ZNF37A: variants seen among roughly 807,000 people sequenced by gnomAD.
The protein encoded by ZNF37A is zinc finger protein 37a (KOX 21).
In ZNF37A, 10 loss-of-function variants were observed where a neutral mutation model predicts 12.3. The ratio of observed to expected loss-of-function variants is 0.82; its 90% CI spans 0.50 to 1.38. ZNF37A has a LOEUF of 1.38. ZNF37A is among the 40% of genes most tolerant of loss of function. The probability of loss-of-function intolerance (pLI) is 0.00; values close to 1 mark genes in which losing one functional copy is unlikely to be tolerated. For synonymous variants in ZNF37A, 207 were observed against 223.0 expected (o/e 0.93, Z 0.64); for missense variants, 580 against 651.2 (o/e 0.89, Z 1.19).
rs2021319 is a variant in ZNF37A at position 38,117,464 on chromosome 10, G to A, written c.313G>A (p.Asp105Asn). The change falls in exon 8 of 8, where the codon GAT becomes AAT. Residue 105 changes from aspartate (D) to asparagine (N), a missense_variant. Physicochemically the swap from Asp to Asn is conservative, Grantham distance 23. Transcript: ENST00000685332. ...EFNKGGKCFC[D>N]EKHEIIHSEE... ...TAACAAAGGTGGAAAATGTTTCTGTGATGAAAAGCATGAAATAATTCATTC... is the reference window on the plus strand; with the variant it reads ...TAACAAAGGTGGAAAATGTTTCTGTAATGAAAAGCATGAAATAATTCATTC... 2.1e-3 allele frequency: 3,412 copies of A among 1,609,402 alleles called. 44 individuals carry two copies. In the African/African-American group the frequency reaches 0.032, roughly 15 times the overall value.
chr10:38,137,056 C>T (rs759627912), intron 7 of ZNF37A, among the ~76,000 whole-genome samples: 5 of 152,108 alleles, frequency 3.3e-5, no homozygotes, highest in Admixed American at 6.6e-5. Flanking sequence ...TCGTCCATGT[C>T]TTCCTTAGCT....
chr10:38,096,752 T>C (rs186726883), intron 5 of ZNF37A, 120 bp downstream of exon 5: 3 of 918,490 alleles, frequency 3.3e-6, no homozygotes, highest in Admixed American at 2.5e-5. Context: ...GAGGTCACAT[T>C]ACATTTCATG....
chr10:38,097,583 C>CAAAAAAAAAAAAAAAAAAAAAAAAAA lies in ZNF37A; in HGVS notation c.15+957_15+982dup, dbSNP rs71007695. On this transcript the variant is annotated intron_variant, in intron 5 of 7. Transcript: ENST00000685332. ...TGGGTGACAGAGTGAGACTCTGTCTCAAAAAAAAAAAAAAAAAAAAAAAAA... is the reference window on the plus strand; with the variant it reads ...TGGGTGACAGAGTGAGACTCTGTCTCAAAAAAAAAAAAAAAAAAAAAAAAAAAAAAAAAAAAAAAAAAAAAAAAAAA... 8.1e-5 allele frequency among the ~76,000 whole-genome samples: 5 copies of CAAAAAAAAAAAAAAAAAAAAAAAAAA among 61,948 alleles called. 1 individual carries two copies. Among genetic ancestry groups the CAAAAAAAAAAAAAAAAAAAAAAAAAA allele is most frequent in the Admixed American group, 2.0e-4 (1 of 4,940 alleles). 40.6% of individuals were successfully genotyped at this position (61,948 alleles called of 152,430 possible). A position where few individuals can be genotyped will look rare whatever the true frequency, so the allele number is the denominator to read the frequency against.
chr10:38,129,313 A>AAAAAAAAAAAAAAAAC, downstream of ZNF37A, among the ~76,000 whole-genome samples: 1 of 147,020 alleles, frequency 6.8e-6, no homozygotes, highest in East Asian at 2.0e-4. Flanking sequence ...CTAAAAAAAA[A>AAAAAAAAAAAAAAAAC]AAAAAAAAAC....
chr10:38,126,921 A>G (rs961586576), downstream of ZNF37A, among the ~76,000 whole-genome samples: 3 of 152,204 alleles, frequency 2.0e-5, no homozygotes, highest in African/African-American at 7.2e-5. Flanking sequence ...CCTAGAAAAG[A>G]GCTCTACCTA....
chr10:38,130,924 AT>A (rs1470583293), intron 7 of ZNF37A, among the ~76,000 whole-genome samples: 1 of 152,198 alleles, frequency 6.6e-6, no homozygotes, highest in East Asian at 1.9e-4. Context: ...TCTAATTGTG[AT>A]TGATATTTGC....
intron 5 of ZNF37A, among the ~76,000 whole-genome samples, chr10:38,112,793 T>TTCTTTTCTTGTCTTG (rs1554929952): frequency 8.2e-5 from 4 of 48,774 alleles, no homozygotes; most frequent in African/African-American, 1.4e-4. Context: ...TTCTTTTCTT[T>TTCTTTTCTTGTCTTG]TCTTGTCTTG....
intron 7 of ZNF37A, chr10:38,140,097 C>T (rs1314036341): frequency 6.6e-6 from 1 of 152,202 alleles, no homozygotes; most frequent in African/African-American, 2.4e-5. Context: ...ATAATCATTG[C>T]TATGGCTGTA....
intron 5 of ZNF37A, among the ~76,000 whole-genome samples, chr10:38,109,291 T>A (rs1367828771): frequency 1.3e-5 from 2 of 152,164 alleles, no homozygotes; most frequent in African/African-American, 4.8e-5. Context: ...TCAACACCCC[T>A]TCATGCTTAA....
intron 7 of ZNF37A, among the ~76,000 whole-genome samples, chr10:38,132,717 T>G (rs1307716733): frequency 6.6e-6 from 1 of 152,160 alleles, no homozygotes; most frequent in Admixed American, 6.5e-5. Flanking sequence ...TATATCAAAC[T>G]CATTTTCAAC....
chr10:38,139,458 C>G (rs2070152692), intron 7 of ZNF37A: 1 of 152,132 alleles, frequency 6.6e-6, no homozygotes, highest in South Asian at 2.1e-4. Flanking sequence ...ACCTCCGCCT[C>G]CTGGGTTCAA....
chr10:38,101,892 G>C (rs1157836514), intron 5 of ZNF37A, among the ~76,000 whole-genome samples: 1 of 143,448 alleles, frequency 7.0e-6, no homozygotes, highest in Non-Finnish European at 1.5e-5. Flanking sequence ...GTGTGATCTT[G>C]ACTCTCTGCA....
At position 38,096,604 on chromosome 10, in the gene ZNF37A, A is replaced by G. The variant is rs1281846509; in HGVS notation, c.-14A>G. The G allele has an allele frequency of 6.2e-7, 1 of 1,612,552 alleles. No individual in the cohort carries two copies. On this transcript the variant is annotated 5_prime_UTR_variant, in exon 5 of 8. Transcript: ENST00000685332. ...CCCTCACAGTTTGCTCTGCTCTTCC[A>G]ACACCAGTGGAAGATGATCACATCC...
At chr10:38,112,792 T>TG (rs1276583098) in intron 5 of ZNF37A, among the ~76,000 whole-genome samples, 4,803 of 57,818 alleles carry the variant, frequency 0.083, 878 homozygotes, top group East Asian at 0.13. Context: ...TTTCTTTTCT[T>TG]TTCTTGTCTT....
At chr10:38,106,427 A>G (rs1463494810) in intron 5 of ZNF37A, among the ~76,000 whole-genome samples, 2 of 152,130 alleles carry the variant, frequency 1.3e-5, no homozygotes, top group African/African-American at 4.8e-5. Flanking sequence ...AAAAACCAGT[A>G]CACCTCTTCT....
intron 5 of ZNF37A, among the ~76,000 whole-genome samples, chr10:38,111,336 GT>G (rs112879207): frequency 6.6e-6 from 1 of 151,842 alleles, no homozygotes; most frequent in African/African-American, 2.4e-5. Flanking sequence ...CTGTCAGGGG[GT>G]TGGGGGCTAG....
intron 5 of ZNF37A, among the ~76,000 whole-genome samples, chr10:38,099,131 T>G (rs540413370): frequency 3.3e-5 from 5 of 152,216 alleles, no homozygotes; most frequent in Admixed American, 3.3e-4. Flanking sequence ...TTATTTATTG[T>G]TAGTTTTTTG....
intron 7 of ZNF37A, chr10:38,138,566 T>C (rs2070141174): frequency 6.6e-6 from 1 of 152,220 alleles, no homozygotes; most frequent in African/African-American, 2.4e-5. Context: ...AAAACTTATA[T>C]TGGACTAAGG....
chr10:38,096,124 G>A (rs748217367), intron 4 of ZNF37A, among the ~76,000 whole-genome samples: 26 of 152,024 alleles, frequency 1.7e-4, no homozygotes, highest in African/African-American at 2.9e-4. Flanking sequence ...TCATGCCATC[G>A]CACTCCAGCC....
Sources: allele counts gnomAD v4.1 joint callset (sites outside exome capture counted in the v4.1 genomes callset), GRCh38; gene constraint gnomAD v4.1.1; transcripts MANE v1.5; gene names NCBI Gene and HGNC (gene_info 2026-07-23, HGNC 2026-07-21).